The following TCOF1 variants were observed in gnomAD, a reference collection of about 807,000 sequenced individuals.
The protein encoded by TCOF1 is treacle protein.
A neutral mutation model predicts 149.0 loss-of-function variants in TCOF1; 33 were observed. That is an observed-to-expected ratio of 0.22 (90% confidence interval 0.17 to 0.30). TCOF1 has a LOEUF of 0.30. Among genes scored for constraint, TCOF1 ranks in the 10% least tolerant of loss-of-function variants. The probability of loss-of-function intolerance (pLI) is 1.00; values close to 1 mark genes in which losing one functional copy is unlikely to be tolerated. For missense variants in TCOF1, 1,728 were observed against 1,840.7 expected (o/e 0.94, Z 1.12); for synonymous variants, 789 against 738.8 (o/e 1.07, Z -1.10).
At chr5:150,370,669 T>C (rs1477354403) in intron 6 of TCOF1, among the ~76,000 whole-genome samples, 2 of 152,148 alleles carry the variant, frequency 1.3e-5, no homozygotes, top group Non-Finnish European at 2.9e-5. Flanking sequence ...ACCTTGATCT[T>C]TAAATGAGAG....
In TCOF1 at chr5:150,391,655, G is replaced by C; in HGVS notation, c.3295G>C (p.Gly1099Arg). ...TGTTGCCAGGACCCAGCCTTCAAGTGGGGTGAGCTTGGGGAGCCAGGGGAA... is the reference window on the plus strand; with the variant it reads ...TGTTGCCAGGACCCAGCCTTCAAGTCGGGTGAGCTTGGGGAGCCAGGGGAA... Reference protein sequence around the residue: ...PPVARTQPSSGVDSAVGTLPA... With the variant: ...PPVARTQPSSRVDSAVGTLPA... The change falls in exon 20 of 27, where the codon GGG becomes CGG. Residue 1099 changes from glycine (G) to arginine (R), a missense_variant and splice_region_variant. By Grantham distance (125) the Gly-to-Arg change is moderately radical. Coordinates refer to ENST00000643257, the MANE Select transcript of TCOF1 (RefSeq NM_001371623.1). 2 of 1,613,408 alleles carry C rather than the reference G, an allele frequency of 1.2e-6. No homozygotes were observed. Among genetic ancestry groups the C allele is most frequent in the Non-Finnish European group, 1.7e-6 (2 of 1,179,720 alleles).
rs1166145538 is a variant in TCOF1, at chr5:150,379,732, G to A, written c.2859G>A (p.Gln953=). The A allele has an allele frequency of 4.3e-6, 7 of 1,613,640 alleles. No homozygotes were observed. The highest frequency in any genetic ancestry group is 3.3e-5 in the South Asian group (3 of 91,044). ...CACCGGCAGCTGTGACCTCTGCCCA[G>A]GTAAGACTTGCCAGGCCTCTGAGCC... ...GEAPAAVTSA[Q]VIKPPLIFVD... Residue 953 remains glutamine (Q), a splice_region_variant and synonymous_variant, in exon 17 of 27, where the codon CAG becomes CAA. Coordinates refer to ENST00000643257, the MANE Select transcript of TCOF1 (RefSeq NM_001371623.1).
At position 150,391,562 on chromosome 5, in the gene TCOF1, G is replaced by A; in HGVS notation, c.3202G>A (p.Ala1068Thr). The A allele has an allele frequency of 6.2e-7, 1 of 1,614,150 alleles. No homozygotes were observed. The highest frequency in any genetic ancestry group is 8.5e-7 in the Non-Finnish European group (1 of 1,180,030). The change falls in exon 20 of 27, where the codon GCT (alanine) becomes ACT (threonine). Residue 1068 changes from alanine (A) to threonine (T), a missense_variant. Coordinates refer to ENST00000643257, the MANE Select transcript of TCOF1 (RefSeq NM_001371623.1). ...PATQVSKKNP[A>T]SLPLTQAALK... ...CCCACAGGTGTCAAAGAAGAACCCA[G>A]CTTCCCTCCCACTGACCCAGGCTGC...
chr5:150,372,212 G>A lies in TCOF1; in HGVS notation c.846G>A (p.Glu282=). 6.2e-7 allele frequency: 1 copy of A among 1,612,564 alleles called. No homozygotes were observed. The highest frequency in any genetic ancestry group is 8.5e-7 in the Non-Finnish European group (1 of 1,179,476). Residue 282 remains glutamate, a synonymous_variant, in exon 7 of 27, where the codon GAG becomes GAA. Coordinates refer to ENST00000643257, the MANE Select transcript of TCOF1 (RefSeq NM_001371623.1). ...AGGAGGGATCTGAAAGTGAGGAGGA[G>A]GCCCCTGCAGGGACACGAAGCCAGG... ...SSEEGSESEE[E]APAGTRSQVK...
chr5:150,375,234 T>A, intron 10 of TCOF1, 71 bp downstream of exon 10: 1 of 1,611,202 alleles, frequency 6.2e-7, no homozygotes, highest in Non-Finnish European at 8.5e-7. Flanking sequence ...TGACTTTTCC[T>A]CTCTGAACCT....
rs1767689302 is a variant in TCOF1, at chr5:150,392,699, C to T, written c.3518-6C>T. 1 of 1,613,906 alleles carries T rather than the reference C, an allele frequency of 6.2e-7. No homozygotes were observed. Among genetic ancestry groups the T allele is most frequent in the Non-Finnish European group, 8.5e-7 (1 of 1,179,954 alleles). On this transcript the variant is annotated splice_region_variant and splice_polypyrimidine_tract_variant and intron_variant, in intron 21 of 26. Coordinates refer to ENST00000643257, the MANE Select transcript of TCOF1 (RefSeq NM_001371623.1). ...GGGCTACCAACAGGATACTGTGCTTCTCCAGTAGGTCCCACCCCCTCCAGG... is the reference window on the plus strand; with the variant it reads ...GGGCTACCAACAGGATACTGTGCTTTTCCAGTAGGTCCCACCCCCTCCAGG...
Position 150,399,841 on chromosome 5 carries a change from T to C in TCOF1, c.*54T>C, listed in dbSNP as rs1444430838. On this transcript the variant is annotated 3_prime_UTR_variant, in exon 27 of 27. Transcript: ENST00000643257. ...CCTAGCCGAGCAGTGGCCATCCCCA[T>C]GCCTCTGACCTCCACCGACCTCTGC... The C allele has an allele frequency of 1.3e-5, 2 of 152,810 alleles. No homozygotes were observed. Among genetic ancestry groups the C allele is most frequent in the African/African-American group, 2.4e-5 (1 of 41,416 alleles). The allele number at this position is 152,810 out of a possible 1,614,324, so 9.5% of individuals were successfully genotyped here.
At chr5:150,375,212 C>T in intron 10 of TCOF1, 49 bp downstream of exon 10, 1 of 1,612,712 alleles carries the variant, frequency 6.2e-7, no homozygotes, top group Admixed American at 1.7e-5. Flanking sequence ...CTCAAAAGAC[C>T]TCCTGTGGTT....
rs1464245314 is a variant in TCOF1 at position 150,396,841 on chromosome 5, G to A, written c.4344G>A (p.Lys1448=). 5.0e-6 allele frequency: 8 copies of A among 1,594,308 alleles called. No homozygotes were observed. The highest frequency in any genetic ancestry group is 6.8e-6 in the Non-Finnish European group (8 of 1,171,074). ...AGAAGGAGAAGAAGAAATCCGACAAGAGTGAGTGACCGCTTCTCCCAGCCC... is the reference window on the plus strand; with the variant it reads ...AGAAGGAGAAGAAGAAATCCGACAAAAGTGAGTGACCGCTTCTCCCAGCCC... The part of the protein sequence containing the change: ...KSKKEKKKSD[K]RKKDKEKKEK... The change falls in exon 24 of 27, where the codon AAG becomes AAA. Residue 1448 remains lysine (K), a splice_region_variant and synonymous_variant. Coordinates refer to ENST00000643257, the MANE Select transcript of TCOF1 (RefSeq NM_001371623.1).
chr5:150,377,822 A>G (rs929778916), intron 14 of TCOF1, among the ~76,000 whole-genome samples: 1 of 151,958 alleles, frequency 6.6e-6, no homozygotes, highest in Non-Finnish European at 1.5e-5. Context: ...TGGGTGTTTT[A>G]TTTTTATTTT....
At chr5:150,397,521 A>C (rs960856001) in intron 24 of TCOF1, among the ~76,000 whole-genome samples, 1 of 152,212 alleles carries the variant, frequency 6.6e-6, no homozygotes, top group Admixed American at 6.5e-5. Context: ...CTCAGCAGGT[A>C]GAAAACTGCG....
At chr5:150,365,740 A>C (rs1159236469) in intron 3 of TCOF1, among the ~76,000 whole-genome samples, 1 of 151,920 alleles carries the variant, frequency 6.6e-6, no homozygotes, top group Admixed American at 6.6e-5. Context: ...AGGTCTTGCC[A>C]TGTTGCCTAG....
In TCOF1 at chr5:150,376,557, G is replaced by C. The variant is rs1363730816; in HGVS notation, c.2277G>C (p.Gln759His). Residue 759 changes from glutamine (Q) to histidine (H), a missense_variant, in exon 14 of 27, where the codon CAG becomes CAC. This residue lies in a region of TCOF1 where 1,696 missense variants were observed against 1,765.4 expected (regional missense o/e 0.96). Coordinates refer to ENST00000643257, the MANE Select transcript of TCOF1 (RefSeq NM_001371623.1). The stretch of plus-strand genomic sequence containing the variant: ...TCACCCAGGTGAAAGCTGAAAAGCA[G>C]GAAGACTCTGAGAGCAGTGAGGAGG... ...PTVTQVKAEK[Q>H]EDSESSEEES... 3.7e-6 allele frequency: 6 copies of C among 1,601,952 alleles called. No homozygotes were observed. Among genetic ancestry groups the C allele is most frequent in the Non-Finnish European group, 4.3e-6 (5 of 1,174,010 alleles).
intron 7 of TCOF1, among the ~76,000 whole-genome samples, chr5:150,372,550 A>G (rs1762779804): frequency 6.6e-6 from 1 of 152,246 alleles, no homozygotes. Context: ...CTGAGCAGGC[A>G]AACACTACGT....
rs186959815 is a variant in TCOF1 at position 150,399,793 on chromosome 5, G to A, written c.*23-17G>A. The A allele has an allele frequency of 2.0e-5, 3 of 153,812 alleles. No homozygotes were observed. Among genetic ancestry groups the A allele is most frequent in the East Asian group, 1.9e-4 (1 of 5,192 alleles). 9.5% of individuals were successfully genotyped at this position (153,812 alleles called of 1,614,324 possible). ...GGGTCAGGAAATTTGACATCTGCAT[G>A]TGTTTCCTTCCCCTAGGGATTTCCT... On this transcript the variant is annotated splice_polypyrimidine_tract_variant and intron_variant, in intron 26 of 26. Transcript: ENST00000643257.
At chr5:150,364,054 A>C in intron 2 of TCOF1, 59 bp from the exon 3 acceptor site, 3 of 1,613,030 alleles carry the variant, frequency 1.9e-6, no homozygotes, top group Non-Finnish European at 2.5e-6. Context: ...CTGTCTAGTC[A>C]ATTCTTGTGG....
At chr5:150,377,930 G>A (rs931569829) in intron 14 of TCOF1, among the ~76,000 whole-genome samples, 1 of 152,176 alleles carries the variant, frequency 6.6e-6, no homozygotes, top group Non-Finnish European at 1.5e-5. Context: ...TCACATTGTG[G>A]TTGGAGAACA....
chr5:150,376,713 G>C, intron 14 of TCOF1, 93 bp downstream of exon 14: 8 of 1,351,374 alleles, frequency 5.9e-6, no homozygotes, highest in Non-Finnish European at 7.2e-6. Context: ...GTTGCCTGCA[G>C]GTGTGCAGAA....
At chr5:150,369,025 T>G in intron 5 of TCOF1, 123 bp downstream of exon 5, 1 of 1,282,032 alleles carries the variant, frequency 7.8e-7, no homozygotes. Flanking sequence ...GACAGCCAGG[T>G]TCCTGCATCT....
Sources: gnomAD v4.1 joint callset for allele counts (sites outside exome capture counted in the v4.1 genomes callset) on GRCh38, gnomAD v4.1.1 for gene constraint, gnomAD v4.1.1 regional missense constraint, MANE v1.5 for transcripts, NCBI Gene and HGNC (gene_info 2026-07-23, HGNC 2026-07-21) for gene names.